The following RPGRIP1 variants were observed in gnomAD, a reference collection of about 807,000 sequenced individuals.
RPGRIP1 encodes X-linked retinitis pigmentosa GTPase regulator-interacting protein 1.
A neutral mutation model predicts 157.9 loss-of-function variants in RPGRIP1; 128 were observed. That is an observed-to-expected ratio of 0.81 (90% CI 0.70 to 0.94). The LOEUF (loss-of-function observed/expected upper bound fraction) is 0.94. Ranked by LOEUF, RPGRIP1 falls within the 40% of genes least tolerant of loss-of-function variation. RPGRIP1 has a pLI of 0.00. For synonymous variants in RPGRIP1, 554 were observed against 571.6 expected (o/e 0.97, Z 0.44); for missense variants, 1,486 against 1,545.8 (o/e 0.96, Z 0.65).
chr14:21,300,629 CAATT>C (rs1018384551), intron 3 of RPGRIP1, among the ~76,000 whole-genome samples: 11 of 141,612 alleles, frequency 7.8e-5, no homozygotes, highest in South Asian at 7.0e-4. Flanking sequence ...TTTATAATGA[CAATT>C]TATTAGTACA....
At chr14:21,308,516 G>A (rs906784022) in intron 7 of RPGRIP1, among the ~76,000 whole-genome samples, 7 of 152,166 alleles carry the variant, frequency 4.6e-5, no homozygotes, top group African/African-American at 1.7e-4. Flanking sequence ...TGCAGGGTAT[G>A]GGCAGGACAC....
At chr14:21,331,387 T>G (rs942066401) in intron 20 of RPGRIP1, among the ~76,000 whole-genome samples, 1 of 151,932 alleles carries the variant, frequency 6.6e-6, no homozygotes, top group African/African-American at 2.4e-5. Flanking sequence ...CTGGGCATGG[T>G]GGCATCTGCC....
rs1881127112 is a variant in RPGRIP1 at position 21,303,453 on chromosome 14, C to T, written c.710C>T (p.Pro237Leu). 1 of 1,613,758 alleles carries T rather than the reference C, an allele frequency of 6.2e-7. No individual in the cohort carries two copies. The highest frequency in any genetic ancestry group is 1.3e-5 in the African/African-American group (1 of 74,896). Residue 237 changes from proline (P) to leucine (L), a missense_variant, in exon 6 of 25, where the codon CCA (proline) becomes CTA (leucine). By Grantham distance (98) the Pro-to-Leu change is moderately conservative. Transcript: ENST00000400017. ...MASNTMQVEE[P>L]PKSPEKMWPK... is the part of the protein sequence containing the mutation. ...AGCAATACCATGCAAGTGGAAGAGC[C>T]ACCCAAGTCTCCTGAGAAAATGTGG...
At chr14:21,309,394 C>T (rs57046561) in intron 7 of RPGRIP1, among the ~76,000 whole-genome samples, 3,659 of 152,064 alleles carry the variant, frequency 0.024, 143 homozygotes, top group African/African-American at 0.082. Flanking sequence ...TGCCTGTAGT[C>T]CTAGCTACTA....
chr14:21,285,560 G>A (rs1162764584), intron 1 of RPGRIP1, among the ~76,000 whole-genome samples: 1 of 150,552 alleles, frequency 6.6e-6, no homozygotes, highest in Admixed American at 6.7e-5. Context: ...AGCTGAGATC[G>A]CGCCACTGCA....
rs558150464 is a variant in RPGRIP1 at position 21,329,748 on chromosome 14, A to G, written c.3100-501A>G. ...TGACCTCAGGTGATCCGCCTGCCTC[A>G]GCCTCCCAAAGTGCTGAGATTATAG... On this transcript the variant is annotated intron_variant, in intron 19 of 24. Transcript: ENST00000400017. Among the ~76,000 whole-genome samples the G allele has an allele frequency of 1.1e-3, 167 of 151,148 alleles. 1 individual carries two copies. Among genetic ancestry groups the G allele is most frequent in the African/African-American group, 3.8e-3 (157 of 41,380 alleles).
At chr14:21,299,036 TGGGA>T (rs1566670762) in intron 3 of RPGRIP1, among the ~76,000 whole-genome samples, 1 of 148,916 alleles carries the variant, frequency 6.7e-6, no homozygotes, top group East Asian at 2.0e-4. Context: ...TTTTTTGAGA[TGGGA>T]GTTTCGCTCT....
At chr14:21,283,848 C>A (rs1213497066) in intron 1 of RPGRIP1, among the ~76,000 whole-genome samples, 1 of 150,840 alleles carries the variant, frequency 6.6e-6, no homozygotes, top group African/African-American at 2.4e-5. Flanking sequence ...CTGGGCTAGT[C>A]TCGAACTCCT....
chr14:21,301,219 C>T lies in RPGRIP1; in HGVS notation c.472C>T (p.Pro158Ser). 6.3e-7 allele frequency: 1 copy of T among 1,589,774 alleles called. No individual in the cohort carries two copies. Among genetic ancestry groups the T allele is most frequent in the South Asian group, 1.1e-5 (1 of 87,326 alleles). ...GCTCCACACAGCCGGTGCACCGGTG[C>T]CGGAGAAACCCAAGAGGGGTGAGAT... is the stretch of plus-strand genomic sequence containing the variant. ...RQLHTAGAPV[P>S]EKPKRGPRDR... Residue 158 changes from proline (P) to serine (S), a missense_variant, in exon 4 of 25, where the codon CCG becomes TCG. Pro to Ser is a moderately conservative substitution (Grantham distance 74). Transcript: ENST00000400017.
rs757165832 is a variant in RPGRIP1 at position 21,317,825 on chromosome 14, T to C, written c.1281T>C (p.Val427=). 2 of 1,606,724 alleles carry C rather than the reference T, an allele frequency of 1.2e-6. No individual in the cohort carries two copies. The highest frequency in any genetic ancestry group is 1.7e-6 in the Non-Finnish European group (2 of 1,176,668). The part of the protein sequence containing the change: ...LDAELEDKRK[V]LLELSREKAQ... ...CTGAGCTGGAGGACAAGAGAAAAGT[T>C]TTACTTGAGCTGTCCAGGGAGAAAG... Residue 427 remains valine (V), a synonymous_variant, in exon 11 of 25, where the codon GTT becomes GTC. Transcript: ENST00000400017.
chr14:21,317,506 C>A, intron 10 of RPGRIP1, 190 bp from the exon 11 acceptor site: 1 of 1,389,342 alleles, frequency 7.2e-7, no homozygotes, highest in South Asian at 1.4e-5. Context: ...TGGTACTGAG[C>A]AATAACTCAG....
rs527846879 is a variant in RPGRIP1 at position 21,289,182 on chromosome 14, G to A, written c.85+1121G>A. ...CTCTACTAAAAATACAAAAAAATTA[G>A]CTGGGCGTTGTGGCGGGCGCCTGTA... On this transcript the variant is annotated intron_variant, in intron 2 of 24. Transcript: ENST00000400017. Among the ~76,000 whole-genome samples, 23 of 152,196 alleles carry A rather than the reference G, an allele frequency of 1.5e-4. No individual in the cohort carries two copies. The East Asian group carries it at 3.7e-3, about 24-fold the overall frequency.
intron 2 of RPGRIP1, among the ~76,000 whole-genome samples, chr14:21,293,116 A>G (rs1451668864): frequency 6.6e-6 from 1 of 152,224 alleles, no homozygotes; most frequent in South Asian, 2.1e-4. Flanking sequence ...ATTGCACTCC[A>G]GCCTGGGCAA....
At position 21,287,211 on chromosome 14, in the gene RPGRIP1, A is replaced by G. The variant is rs542374546; in HGVS notation, c.-38-728A>G. Among the ~76,000 whole-genome samples, 40 of 152,342 alleles carry G rather than the reference A, an allele frequency of 2.6e-4. 1 individual carries two copies. In the South Asian group the frequency reaches 7.9e-3, roughly 30 times the overall value. ...TCAGGAGTCCAAGACCAGTTTTGCC[A>G]ACATGGCAAAACCCTATCTCTACCA... On this transcript the variant is annotated intron_variant, in intron 1 of 24. Coordinates refer to ENST00000400017, the MANE Select transcript of RPGRIP1 (RefSeq NM_020366.4).
intron 13 of RPGRIP1, 40 bp from the exon 14 acceptor site, chr14:21,321,814 G>A: frequency 6.3e-7 from 1 of 1,595,020 alleles, no homozygotes; most frequent in Non-Finnish European, 8.6e-7. Context: ...TTGGTTTTAG[G>A]CCACTGAGAT....
intron 10 of RPGRIP1, among the ~76,000 whole-genome samples, chr14:21,314,847 C>A (rs1881703774): frequency 6.6e-6 from 1 of 151,992 alleles, no homozygotes; most frequent in Middle Eastern, 3.4e-3. Context: ...CATTGCAAAA[C>A]ACTGTCTCTA....
chr14:21,342,457 C>T (rs1025280356), intron 21 of RPGRIP1, among the ~76,000 whole-genome samples: 1 of 151,250 alleles, frequency 6.6e-6, no homozygotes, highest in South Asian at 2.1e-4. Context: ...GGTGGGAAGA[C>T]TGCTTGAGAT....
At chr14:21,317,972 A>G (rs1215984358) in intron 11 of RPGRIP1, 122 bp downstream of exon 11, 2 of 838,890 alleles carry the variant, frequency 2.4e-6, no homozygotes, top group African/African-American at 1.7e-5. Flanking sequence ...TGTGGGTTGT[A>G]GGTAACTAGA....
chr14:21,350,036 T>A lies in RPGRIP1; in HGVS notation c.3749-1068T>A, dbSNP rs558806640. Among the ~76,000 whole-genome samples the A allele has an allele frequency of 2.6e-5, 4 of 152,006 alleles. 1 individual carries two copies. The highest frequency in any genetic ancestry group is 9.7e-5 in the African/African-American group (4 of 41,432). On this transcript the variant is annotated intron_variant, in intron 24 of 24. Coordinates refer to ENST00000400017, the MANE Select transcript of RPGRIP1 (RefSeq NM_020366.4). ...GTGGATGTGAAACTGAATTAGTAAA[T>A]CACAAGGAAATTTGAAAAATGCAAA...
Sources: gnomAD v4.1 joint callset for allele counts (sites outside exome capture counted in the v4.1 genomes callset) on GRCh38, gnomAD v4.1.1 for gene constraint, MANE v1.5 for transcripts, NCBI Gene and HGNC (gene_info 2026-07-23, HGNC 2026-07-21) for gene names.